PTPRK: variants seen among roughly 807,000 people sequenced by gnomAD.
PTPRK encodes the protein receptor-type tyrosine-protein phosphatase kappa.
In PTPRK, 75 loss-of-function variants were observed where a neutral mutation model predicts 178.0. That is an observed-to-expected ratio of 0.42 (90% CI 0.35 to 0.51). The LOEUF is 0.51. Ranked by LOEUF, PTPRK falls within the 20% of genes least tolerant of loss-of-function variation. PTPRK has a pLI of 0.02. For synonymous variants in PTPRK, 637 were observed against 620.6 expected (o/e 1.03, Z -0.39); for missense variants, 1,441 against 1,797.8 (o/e 0.80, Z 3.59).
intron 7 of PTPRK, among the ~76,000 whole-genome samples, chr6:128,144,170 C>G (rs1796157548): frequency 6.6e-6 from 1 of 152,126 alleles, no homozygotes; most frequent in Non-Finnish European, 1.5e-5. Context: ...CTTCCTCAAA[C>G]ATGATGCTTC....
chr6:128,222,333 C>G (rs1055295206), intron 5 of PTPRK, among the ~76,000 whole-genome samples: 7 of 152,222 alleles, frequency 4.6e-5, no homozygotes, highest in African/African-American at 9.6e-5. Context: ...CTTTCAGGGA[C>G]AGCTACCATT....
At chr6:128,486,220 A>G (rs1852853433) in intron 1 of PTPRK, among the ~76,000 whole-genome samples, 1 of 152,150 alleles carries the variant, frequency 6.6e-6, no homozygotes, top group South Asian at 2.1e-4. Flanking sequence ...AAAAACTAAT[A>G]AAAAGGGTGT....
At chr6:128,479,000 T>C (rs968663721) in intron 1 of PTPRK, among the ~76,000 whole-genome samples, 3 of 151,964 alleles carry the variant, frequency 2.0e-5, no homozygotes, top group African/African-American at 4.8e-5. Context: ...TAGAGAGCTA[T>C]AAAGCAAGCC....
chr6:128,044,036 T>C (rs953122773), intron 13 of PTPRK, among the ~76,000 whole-genome samples: 1 of 151,966 alleles, frequency 6.6e-6, no homozygotes, highest in Non-Finnish European at 1.5e-5. Flanking sequence ...AACTGGAAAA[T>C]TTGATAATTC....
At chr6:128,107,055 G>C (rs1157087770) in intron 7 of PTPRK, among the ~76,000 whole-genome samples, 1 of 152,012 alleles carries the variant, frequency 6.6e-6, no homozygotes, top group Non-Finnish European at 1.5e-5. Context: ...AGAATGATTT[G>C]TCTTAAATAC....
chr6:128,196,061 T>G (rs1804802325), intron 6 of PTPRK, among the ~76,000 whole-genome samples: 1 of 152,088 alleles, frequency 6.6e-6, no homozygotes, highest in African/African-American at 2.4e-5. Context: ...AAAAGTCAGG[T>G]AGACATGACC....
rs866879777 is a variant in PTPRK, at chr6:127,992,120, G to T, written c.2881+553C>A. The stretch of plus-strand genomic sequence containing the variant: ...AGAGATAACTACAGATGCTTTTTTT[G>T]TTGTTGTTATTTGGATACTTTTACT... On this transcript the variant is annotated intron_variant, in intron 19 of 29. Transcript: ENST00000368226. 7.9e-5 allele frequency among the ~76,000 whole-genome samples: 12 copies of T among 151,654 alleles called. No homozygotes were observed. The South Asian group carries it at 1.7e-3, about 21-fold the overall frequency.
intron 21 of PTPRK, among the ~76,000 whole-genome samples, chr6:127,986,168 C>A (rs1297048593): frequency 6.6e-6 from 1 of 152,048 alleles, no homozygotes; most frequent in Non-Finnish European, 1.5e-5. Context: ...CTGGGAGTGA[C>A]AACACATTAA....
intron 13 of PTPRK, among the ~76,000 whole-genome samples, chr6:128,054,991 A>G (rs907731756): frequency 3.9e-5 from 6 of 152,188 alleles, no homozygotes; most frequent in Non-Finnish European, 7.4e-5. Context: ...ATTTCTATCC[A>G]AATTAAACCC....
At chr6:128,215,395 C>G (rs186808785) in intron 6 of PTPRK, among the ~76,000 whole-genome samples, 1 of 152,090 alleles carries the variant, frequency 6.6e-6, no homozygotes, top group Non-Finnish European at 1.5e-5. Context: ...AATACTACTT[C>G]GACTTGTATT....
intron 5 of PTPRK, among the ~76,000 whole-genome samples, chr6:128,226,796 A>G (rs1031474664): frequency 4.6e-4 from 59 of 128,774 alleles, no homozygotes; most frequent in African/African-American, 1.6e-3. Context: ...ATATATATAT[A>G]TATTTCAATA....
intron 3 of PTPRK, among the ~76,000 whole-genome samples, chr6:128,273,296 C>T (rs1022950604): frequency 2.0e-5 from 3 of 151,792 alleles, no homozygotes; most frequent in Middle Eastern, 3.2e-3. Flanking sequence ...CAATATGGCA[C>T]ATGTATACAT....
intron 13 of PTPRK, among the ~76,000 whole-genome samples, chr6:128,043,754 G>A (rs1338815184): frequency 1.3e-5 from 2 of 151,788 alleles, no homozygotes; most frequent in Non-Finnish European, 1.5e-5. Flanking sequence ...TATCATCTCA[G>A]TAACTAACAT....
At chr6:128,328,146 A>G (rs2128324140) in intron 2 of PTPRK, among the ~76,000 whole-genome samples, 2 of 152,308 alleles carry the variant, frequency 1.3e-5, no homozygotes. Flanking sequence ...CAATTCAACC[A>G]AGAATAGATG....
At chr6:128,066,073 G>A (rs181927978) in intron 12 of PTPRK, among the ~76,000 whole-genome samples, 6 of 152,194 alleles carry the variant, frequency 3.9e-5, no homozygotes, top group Admixed American at 6.5e-5. Context: ...CACTCCTCTG[G>A]TATAATAGAC....
chr6:128,229,139 A>G (rs529361914), intron 5 of PTPRK, among the ~76,000 whole-genome samples: 111 of 126,148 alleles, frequency 8.8e-4, no homozygotes, highest in Non-Finnish European at 1.3e-3. Flanking sequence ...TATTAAAAAC[A>G]TAGTTACATT....
chr6:128,476,305 G>A (rs1213083718), intron 1 of PTPRK, among the ~76,000 whole-genome samples: 3 of 152,020 alleles, frequency 2.0e-5, no homozygotes, highest in Non-Finnish European at 4.4e-5. Flanking sequence ...TATGTTAATT[G>A]ATTTGATTGT....
chr6:128,247,506 A>G (rs1228128706), intron 3 of PTPRK, among the ~76,000 whole-genome samples: 1 of 152,050 alleles, frequency 6.6e-6, no homozygotes, highest in Non-Finnish European at 1.5e-5. Context: ...TTTTGTAGAG[A>G]CGGGGTTTTA....
chr6:128,191,374 A>G (rs2114721316), intron 6 of PTPRK, among the ~76,000 whole-genome samples: 1 of 152,222 alleles, frequency 6.6e-6, no homozygotes, highest in Admixed American at 6.5e-5. Context: ...AGCAGAGAGT[A>G]GAATGGTGGT....
Sources: allele counts gnomAD v4.1 joint callset (sites outside exome capture counted in the v4.1 genomes callset), GRCh38; gene constraint gnomAD v4.1.1; transcripts MANE v1.5; gene names NCBI Gene and HGNC (gene_info 2026-07-23, HGNC 2026-07-21).